ASAH1: variants seen among roughly 807,000 people sequenced by gnomAD.
The protein encoded by ASAH1 is acid ceramidase.
ASAH1 carries 70 observed loss-of-function variants against 59.5 expected under a neutral mutation model. The ratio of observed to expected loss-of-function variants is 1.18; its 90% confidence interval spans 0.97 to 1.43. ASAH1 has a LOEUF of 1.43. Ranked by LOEUF, ASAH1 falls within the 40% of genes most tolerant of loss-of-function variation. The pLI is 0.00. For synonymous variants in ASAH1, 213 were observed against 166.5 expected (o/e 1.28, Z -2.15); for missense variants, 660 against 482.5 (o/e 1.37, Z -3.45).
At position 18,064,486 on chromosome 8, in the gene ASAH1, C is replaced by G. The variant is rs1451258868; in HGVS notation, c.428G>C (p.Cys143Ser). ...FNIFYELFTI[C>S]TSIVAEDKKG... The stretch of plus-strand genomic sequence containing the variant: ...TTTGTCTTCTGCTACTATTGAAGTA[C>G]AAATGGTAAATAATTCATAAAAAAT... Residue 143 changes from cysteine to serine, a missense_variant, in exon 6 of 14, where the codon TGT becomes TCT. Transcript: ENST00000637790. 2 of 1,582,474 alleles carry G rather than the reference C, an allele frequency of 1.3e-6. No homozygotes were observed. Among genetic ancestry groups the G allele is most frequent in the Non-Finnish European group, 1.7e-6 (2 of 1,153,562 alleles).
chr8:18,063,171 T>G lies in ASAH1; in HGVS notation c.503+14A>C. 1 of 1,613,446 alleles carries G rather than the reference T, an allele frequency of 6.2e-7. No homozygotes were observed. Among genetic ancestry groups the G allele is most frequent in the Non-Finnish European group, 8.5e-7 (1 of 1,179,394 alleles). ...GCGTGAACCACCATGCCTGACCCTT[T>G]GTTCTTTACTTACCCAAGAAATACT... is the stretch of plus-strand genomic sequence containing the variant. On this transcript the variant is annotated intron_variant, in intron 7 of 13. Transcript: ENST00000637790.
At chr8:18,081,779 G>T (rs1341110184) in intron 1 of ASAH1, among the ~76,000 whole-genome samples, 1 of 152,120 alleles carries the variant, frequency 6.6e-6, no homozygotes, top group East Asian at 1.9e-4. Context: ...TTACCATGAG[G>T]CTATAGTTTA....
intron 7 of ASAH1, 84 bp from the exon 8 acceptor site, chr8:18,062,507 A>C: frequency 3.4e-6 from 5 of 1,458,810 alleles, no homozygotes; most frequent in Non-Finnish European, 4.8e-6. Context: ...GCATTACACT[A>C]GGAGCTTTAT....
chr8:18,058,601 G>A (rs1799563013), intron 13 of ASAH1: 3 of 541,204 alleles, frequency 5.5e-6, no homozygotes, highest in Admixed American at 3.2e-5. Flanking sequence ...TAATTCAAAT[G>A]CTATGTAAAT....
At chr8:18,063,582 G>A (rs1419277928) in intron 6 of ASAH1, 1 of 247,614 alleles carries the variant, frequency 4.0e-6, no homozygotes, top group South Asian at 4.8e-5. Context: ...GCCTCGCAAA[G>A]TGCTGGCATT....
At chr8:18,080,649 C>A (rs543291349) in intron 1 of ASAH1, among the ~76,000 whole-genome samples, 1 of 152,192 alleles carries the variant, frequency 6.6e-6, no homozygotes, top group African/African-American at 2.4e-5. Flanking sequence ...CCTCTCCCTC[C>A]CAGGTTCAAG....
intron 2 of ASAH1, among the ~76,000 whole-genome samples, chr8:18,075,001 C>CTTTT (rs769278694): frequency 1.5e-4 from 22 of 148,534 alleles, no homozygotes; most frequent in South Asian, 2.2e-4. Context: ...AAAATCCTTT[C>CTTTT]CTTTTTTTTT....
intron 1 of ASAH1, among the ~76,000 whole-genome samples, chr8:18,081,238 C>T (rs927296968): frequency 1.3e-5 from 2 of 152,214 alleles, no homozygotes; most frequent in African/African-American, 2.4e-5. Context: ...CCTCACCCAA[C>T]GATTCCTTCA....
chr8:18,084,122 G>T, upstream of ASAH1: 3 of 1,585,528 alleles, frequency 1.9e-6, no homozygotes, highest in South Asian at 3.3e-5. Context: ...GGCTGGGCCG[G>T]GGGCAGGCCA....
chr8:18,076,239 T>G (rs1315172155), intron 1 of ASAH1: 39 of 155,206 alleles, frequency 2.5e-4, no homozygotes, highest in Admixed American at 2.5e-3. Flanking sequence ...TTGTGAAGTC[T>G]TCATCTATCT....
intron 1 of ASAH1, among the ~76,000 whole-genome samples, chr8:18,077,893 G>GTAC (rs1333347322): frequency 1.3e-5 from 2 of 152,112 alleles, no homozygotes; most frequent in Non-Finnish European, 2.9e-5. Flanking sequence ...GTTTTCCTAT[G>GTAC]AGTTGGGAAT....
At chr8:18,077,963 C>T (rs1800479652) in intron 1 of ASAH1, among the ~76,000 whole-genome samples, 1 of 152,012 alleles carries the variant, frequency 6.6e-6, no homozygotes, top group Non-Finnish European at 1.5e-5. Flanking sequence ...GACTTAAGAC[C>T]CTGCTCCATT....
intron 7 of ASAH1, 105 bp downstream of exon 7, chr8:18,063,080 G>T (rs764579072): frequency 8.2e-5 from 85 of 1,038,786 alleles, no homozygotes; most frequent in Middle Eastern, 2.1e-4. Flanking sequence ...ATCTTGGCCA[G>T]GCTGGTCTTG....
At position 18,073,142 on chromosome 8, in the gene ASAH1, G is replaced by A. The variant is rs1800244520; in HGVS notation, c.126-1752C>T. ...ATCTAATAAACCAAATTATTTTAATGACTAAAGCTTAGCCATAATTGCACA... is the reference window on the plus strand; with the variant it reads ...ATCTAATAAACCAAATTATTTTAATAACTAAAGCTTAGCCATAATTGCACA... On this transcript the variant is annotated intron_variant, in intron 2 of 13. Transcript: ENST00000637790. The A allele has an allele frequency of 2.9e-6, 3 of 1,020,058 alleles. 1 individual carries two copies. Among genetic ancestry groups the A allele is most frequent in the Non-Finnish European group, 4.4e-6 (3 of 687,154 alleles). 63.2% of individuals were successfully genotyped at this position (1,020,058 alleles called of 1,614,324 possible). A position where few individuals can be genotyped will look rare whatever the true frequency, so the allele number is the denominator to read the frequency against.
At chr8:18,078,257 C>G (rs1208949989) in intron 1 of ASAH1, among the ~76,000 whole-genome samples, 1 of 152,188 alleles carries the variant, frequency 6.6e-6, no homozygotes, top group East Asian at 1.9e-4. Flanking sequence ...TACTAGACAA[C>G]TGTGAGCAAA....
chr8:18,084,888 CGGCAG>C, upstream of ASAH1: 1 of 1,556,630 alleles, frequency 6.4e-7, no homozygotes. Context: ...GCGAGTAGCT[CGGCAG>C]GGGGACTCGC....
Position 18,069,850 on chromosome 8 carries a change from T to C in ASAH1, c.245A>G (p.Asn82Ser). The C allele has an allele frequency of 1.3e-6, 2 of 1,591,716 alleles. No homozygotes were observed. The highest frequency in any genetic ancestry group is 2.2e-5 in the South Asian group (2 of 90,576). Reference protein sequence around the residue: ...VLKVIVNSLKNMINTFVPSGK... With the variant: ...VLKVIVNSLKSMINTFVPSGK... ...ACTTGGCACGAATGTATTTATCATA[T>C]TCTTCAGAGAATTCACTATAACCTT... The change falls in exon 4 of 14, where the codon AAT (asparagine) becomes AGT (serine). Residue 82 changes from asparagine to serine, a missense_variant. Transcript: ENST00000637790.
intron 6 of ASAH1, chr8:18,063,955 G>A (rs1011096139): frequency 2.7e-5 from 5 of 182,906 alleles, no homozygotes; most frequent in Admixed American, 5.5e-5. Flanking sequence ...CAGAGTATAG[G>A]TCAAAGATCA....
At chr8:18,069,924 G>T in intron 3 of ASAH1, 46 bp from the exon 4 acceptor site, 1 of 1,361,514 alleles carries the variant, frequency 7.3e-7, no homozygotes, top group Non-Finnish European at 1.0e-6. Flanking sequence ...ATGAAATGCT[G>T]TCAAGATTAC....
Sources: allele counts gnomAD v4.1 joint callset (sites outside exome capture counted in the v4.1 genomes callset), GRCh38; gene constraint gnomAD v4.1.1; transcripts MANE v1.5; gene names NCBI Gene and HGNC (gene_info 2026-07-23, HGNC 2026-07-21).